The following GALNT17 variants were observed in gnomAD, a reference collection of about 807,000 sequenced individuals.
GALNT17 encodes UDP-GalNAc:polypeptide N-acetylgalactosaminyltransferase-like 3.
A neutral mutation model predicts 63.7 loss-of-function variants in GALNT17; 29 were observed. That is an observed-to-expected ratio of 0.46 (90% CI 0.34 to 0.62). The LOEUF is 0.62. Ranked by LOEUF, GALNT17 falls within the 20% of genes least tolerant of loss-of-function variation. The pLI is 0.01. For missense variants in GALNT17, 603 were observed against 799.6 expected (o/e 0.75, Z 2.97); for synonymous variants, 305 against 318.3 (o/e 0.96, Z 0.45).
At chr7:71,413,887 C>G (rs77803688) in intron 3 of GALNT17, among the ~76,000 whole-genome samples, 1 of 129,832 alleles carries the variant, frequency 7.7e-6, no homozygotes, top group East Asian at 2.3e-4. Context: ...ACAGTGTATC[C>G]CTGTACATTG....
intron 6 of GALNT17, among the ~76,000 whole-genome samples, chr7:71,637,929 G>A (rs1051796825): frequency 6.6e-6 from 1 of 152,196 alleles, no homozygotes; most frequent in Non-Finnish European, 1.5e-5. Flanking sequence ...AGGGTTAAAA[G>A]GATGGCTACT....
chr7:71,546,601 A>G (rs1275841862), intron 5 of GALNT17, among the ~76,000 whole-genome samples: 1 of 152,220 alleles, frequency 6.6e-6, no homozygotes, highest in Admixed American at 6.5e-5. Context: ...TTGCATTTTC[A>G]TAGCTGTGTT....
In GALNT17 at chr7:71,335,534, C is replaced by T. The variant is rs752705836; in HGVS notation, c.239-16C>T. 6.5e-6 allele frequency: 10 copies of T among 1,542,960 alleles called. No homozygotes were observed. In the African/African-American group the frequency reaches 1.4e-4, roughly 22 times the overall value. ...GGTGGTTTTCTAATAATTCTTTTTT[C>T]TCCCACTTTTTCTAGGCTTATCCAA... On this transcript the variant is annotated splice_polypyrimidine_tract_variant and intron_variant, in intron 1 of 10. Coordinates refer to ENST00000333538, the MANE Select transcript of GALNT17 (RefSeq NM_022479.3).
At chr7:71,302,156 A>G (rs1791211367) in intron 1 of GALNT17, among the ~76,000 whole-genome samples, 1 of 152,054 alleles carries the variant, frequency 6.6e-6, no homozygotes, top group African/African-American at 2.4e-5. Context: ...ATGAGAATAC[A>G]TGGACACAGG....
Position 71,712,268 on chromosome 7 carries a change from G to T in GALNT17, c.*122G>T. 1 of 1,412,394 alleles carries T rather than the reference G, an allele frequency of 7.1e-7. No homozygotes were observed. Among genetic ancestry groups the T allele is most frequent in the Non-Finnish European group, 9.4e-7 (1 of 1,066,844 alleles). The allele number at this position is 1,412,394 out of a possible 1,614,324, so 87.5% of individuals were successfully genotyped here. On this transcript the variant is annotated 3_prime_UTR_variant, in exon 11 of 11. Coordinates refer to ENST00000333538, the MANE Select transcript of GALNT17 (RefSeq NM_022479.3). ...CGGCAGGTGCTCGATGGGCCCCCCA[G>T]GGCTTCTCCAGGGCAGCACAGGGAC...
intron 6 of GALNT17, among the ~76,000 whole-genome samples, chr7:71,631,295 C>T (rs557008673): frequency 8.6e-5 from 13 of 151,634 alleles, no homozygotes; most frequent in African/African-American, 2.7e-4. Flanking sequence ...TGGGCTCAAG[C>T]GATCCTCCCA....
chr7:71,248,899 C>T (rs1338306860), intron 1 of GALNT17, among the ~76,000 whole-genome samples: 1 of 152,290 alleles, frequency 6.6e-6, no homozygotes, highest in African/African-American at 2.4e-5. Context: ...AGGTGACAGC[C>T]TTAACCACCT....
Position 71,369,811 on chromosome 7 carries a change from CAAAAAAAAAAA to C in GALNT17, c.423-18408_423-18398del, listed in dbSNP as rs763387719. 7.2e-4 allele frequency among the ~76,000 whole-genome samples: 52 copies of C among 72,154 alleles called. 1 individual carries two copies. The highest frequency in any genetic ancestry group is 1.8e-4 in the Admixed American group (1 of 5,608). The allele number at this position is 72,154 out of a possible 152,430, so 47.3% of individuals were successfully genotyped here. Reference sequence around the variant, plus strand: ...TGGGTGACATAGTGAGGCTTTTTGTCAAAAAAAAAAAAAAAAAAAAAAAAAAGAACAAAAAC... The same window carrying C: ...TGGGTGACATAGTGAGGCTTTTTGTCAAAAAAAAAAAAAAAGAACAAAAAC... On this transcript the variant is annotated intron_variant, in intron 2 of 10. Transcript: ENST00000333538.
At chr7:71,515,373 C>T (rs945732199) in intron 5 of GALNT17, among the ~76,000 whole-genome samples, 3 of 152,186 alleles carry the variant, frequency 2.0e-5, no homozygotes, top group African/African-American at 4.8e-5. Flanking sequence ...AGGGGACAGT[C>T]CTGTGTCTAC....
At chr7:71,391,878 G>C (rs1184298637) in intron 3 of GALNT17, among the ~76,000 whole-genome samples, 13 of 152,120 alleles carry the variant, frequency 8.5e-5, no homozygotes, top group Admixed American at 8.5e-4. Context: ...TTGGCTTCTG[G>C]TGAGGCCTCA....
intron 1 of GALNT17, among the ~76,000 whole-genome samples, chr7:71,333,892 A>G (rs1021825285): frequency 1.3e-5 from 2 of 152,218 alleles, no homozygotes; most frequent in African/African-American, 4.8e-5. Context: ...TTTAAAACCA[A>G]GCACAGGTGT....
chr7:71,437,645 A>G (rs1434322228), intron 5 of GALNT17, among the ~76,000 whole-genome samples: 1 of 152,190 alleles, frequency 6.6e-6, no homozygotes, highest in African/African-American at 2.4e-5. Flanking sequence ...TTCAAATGTC[A>G]GCAGCATGAT....
intron 1 of GALNT17, among the ~76,000 whole-genome samples, chr7:71,228,007 A>ATC: frequency 6.6e-6 from 1 of 152,262 alleles, no homozygotes; most frequent in Non-Finnish European, 1.5e-5. Context: ...TCAGCCCGAT[A>ATC]GAGGAGGAGA....
intron 5 of GALNT17, among the ~76,000 whole-genome samples, chr7:71,501,332 A>C (rs1003283868): frequency 6.6e-6 from 1 of 151,326 alleles, no homozygotes; most frequent in African/African-American, 2.4e-5. Context: ...TGCTGTGACC[A>C]TGGCTCACTG....
chr7:71,235,018 A>G (rs1449015775), intron 1 of GALNT17, among the ~76,000 whole-genome samples: 1 of 152,112 alleles, frequency 6.6e-6, no homozygotes, highest in African/African-American at 2.4e-5. Flanking sequence ...TGGGAGGCTG[A>G]GGCGGGCAGA....
intron 1 of GALNT17, among the ~76,000 whole-genome samples, chr7:71,221,383 C>CTTT (rs33954579): frequency 2.7e-5 from 3 of 110,868 alleles, no homozygotes; most frequent in African/African-American, 7.1e-5. Context: ...TACAGCCATG[C>CTTT]TTTTTTTTTT....
At chr7:71,162,722 T>A (rs554554341) in intron 1 of GALNT17, among the ~76,000 whole-genome samples, 8 of 152,244 alleles carry the variant, frequency 5.3e-5, no homozygotes, top group Non-Finnish European at 8.8e-5. Flanking sequence ...CTCAGTCTAG[T>A]GGAGGACACA....
chr7:71,478,985 A>G (rs1787769340), intron 5 of GALNT17, among the ~76,000 whole-genome samples: 2 of 152,198 alleles, frequency 1.3e-5, no homozygotes, highest in African/African-American at 4.8e-5. Flanking sequence ...CTGATACAGC[A>G]GGAGAAATGT....
chr7:71,664,131 T>C (rs751512002), intron 6 of GALNT17, among the ~76,000 whole-genome samples: 3 of 152,012 alleles, frequency 2.0e-5, no homozygotes, highest in Admixed American at 6.6e-5. Context: ...GCCATCCCCA[T>C]GCAGAGGGAT....
Sources: allele counts gnomAD v4.1 joint callset (sites outside exome capture counted in the v4.1 genomes callset), GRCh38; gene constraint gnomAD v4.1.1; transcripts MANE v1.5; gene names NCBI Gene and HGNC (gene_info 2026-07-23, HGNC 2026-07-21).